ENPP1: variants seen among roughly 807,000 people sequenced by gnomAD.
ENPP1 encodes ectonucleotide pyrophosphatase/phosphodiesterase 1.
A neutral mutation model predicts 122.8 loss-of-function variants in ENPP1; 73 were observed. The ratio of observed to expected loss-of-function variants is 0.59; its 90% confidence interval spans 0.49 to 0.72. The LOEUF (loss-of-function observed/expected upper bound fraction) is 0.72, where lower values mean the gene tolerates loss of function less well. Among genes scored for constraint, ENPP1 ranks in the 30% least tolerant of loss-of-function variants. The pLI, the probability that ENPP1 is intolerant of heterozygous loss-of-function variation, is 0.00. For synonymous variants in ENPP1, 367 were observed against 391.6 expected, an observed-to-expected ratio of 0.94 and a Z score of 0.74; for missense variants, 978 against 1,128.1, an observed-to-expected ratio of 0.87 and a Z score of 1.91.
At chr6:131,852,928 T>C (rs9483346) in intron 5 of ENPP1, among the ~76,000 whole-genome samples, 2 of 152,138 alleles carry the variant, frequency 1.3e-5, no homozygotes, top group South Asian at 4.1e-4. Context: ...GGGTCTTCCA[T>C]ATATGACACC....
chr6:131,842,203 TTAATA>T (rs1781749181), intron 1 of ENPP1, among the ~76,000 whole-genome samples: 1 of 152,172 alleles, frequency 6.6e-6, no homozygotes, highest in African/African-American at 2.4e-5. Context: ...ATTAAATGAT[TTAATA>T]TAAAACTCTT....
At chr6:131,879,802 G>A in intron 19 of ENPP1, 78 bp from the exon 20 acceptor site, 1 of 1,272,032 alleles carries the variant, frequency 7.9e-7, no homozygotes, top group Non-Finnish European at 1.1e-6. Context: ...GTAGAGGAAA[G>A]GATTAGATGA....
intron 1 of ENPP1, among the ~76,000 whole-genome samples, chr6:131,824,286 A>G (rs1781517144): frequency 6.6e-6 from 1 of 151,546 alleles, no homozygotes; most frequent in Non-Finnish European, 1.5e-5. Context: ...GAAGAGGATT[A>G]TGAGAAAAGG....
chr6:131,831,593 C>T (rs1434448891), intron 1 of ENPP1, among the ~76,000 whole-genome samples: 1 of 152,052 alleles, frequency 6.6e-6, no homozygotes, highest in Non-Finnish European at 1.5e-5. Flanking sequence ...GAGTATGAGT[C>T]ATGTATTTTG....
At position 131,886,727 on chromosome 6, in the gene ENPP1, A is replaced by C; in HGVS notation, c.2607+3A>C. On this transcript the variant is annotated splice_donor_region_variant and intron_variant, in intron 24 of 24. Coordinates refer to ENST00000647893, the MANE Select transcript of ENPP1 (RefSeq NM_006208.3). ...CTGATAACAGCGAGAGCTGTGTGGT[A>C]AGTAGCTTTTGTATATTTACTTTGC... 2 of 1,610,982 alleles carry C rather than the reference A, an allele frequency of 1.2e-6. No homozygotes were observed. Among genetic ancestry groups the C allele is most frequent in the Non-Finnish European group, 1.7e-6 (2 of 1,178,920 alleles).
At chr6:131,859,575 G>A (rs899102872) in intron 7 of ENPP1, among the ~76,000 whole-genome samples, 8 of 151,904 alleles carry the variant, frequency 5.3e-5, no homozygotes, top group Admixed American at 6.6e-5. Flanking sequence ...TAGTAGAGTC[G>A]GGGTTTTGTA....
rs114741179 is a variant in ENPP1 at position 131,836,872 on chromosome 6, C to G, written c.241-10904C>G. Reference sequence around the variant, plus strand: ...TCCATAGGGCAGAGATTGTTTTTATCCATAGAAGCAGGAATCCCTTTTTAG... The same window carrying G: ...TCCATAGGGCAGAGATTGTTTTTATGCATAGAAGCAGGAATCCCTTTTTAG... On this transcript the variant is annotated intron_variant, in intron 1 of 24. Transcript: ENST00000647893. Among the ~76,000 whole-genome samples the G allele has an allele frequency of 8.9e-3, 1,358 of 152,134 alleles. 23 individuals carry two copies. Among genetic ancestry groups the G allele is most frequent in the African/African-American group, 0.03 (1,261 of 41,492 alleles).
At chr6:131,811,116 G>A (rs559271960) in intron 1 of ENPP1, among the ~76,000 whole-genome samples, 1 of 151,998 alleles carries the variant, frequency 6.6e-6, no homozygotes, top group Non-Finnish European at 1.5e-5. Flanking sequence ...ACTTGGAGAT[G>A]TATTTAAATA....
chr6:131,820,712 A>C (rs1176993886), intron 1 of ENPP1: 1 of 152,212 alleles, frequency 6.6e-6, no homozygotes, highest in African/African-American at 2.4e-5. Context: ...CCCATGTTAG[A>C]GATGAAAAAA....
intron 1 of ENPP1, among the ~76,000 whole-genome samples, chr6:131,845,346 T>A (rs371669716): frequency 9.9e-5 from 15 of 152,040 alleles, no homozygotes; most frequent in African/African-American, 3.6e-4. Context: ...TTCATGTTTT[T>A]AATGTTTTAA....
Position 131,888,530 on chromosome 6 carries a change from C to T in ENPP1, c.2607+1806C>T, listed in dbSNP as rs151238457. 4.3e-3 allele frequency among the ~76,000 whole-genome samples: 654 copies of T among 152,196 alleles called. 2 individuals are homozygous for T. The highest frequency in any genetic ancestry group is 6.8e-3 in the Middle Eastern group (2 of 294). ...GGCCCAAGAGTAGAATACAATGATC[C>T]GTTTGCCATCCCTGATGGTAGTAGT... On this transcript the variant is annotated intron_variant, in intron 24 of 24. Transcript: ENST00000647893.
At chr6:131,818,829 A>T (rs1204679525) in intron 1 of ENPP1, among the ~76,000 whole-genome samples, 1 of 151,918 alleles carries the variant, frequency 6.6e-6, no homozygotes, top group East Asian at 1.9e-4. Context: ...AGCTGAACTA[A>T]TTTTTTTTCA....
At chr6:131,875,392 ATATCT>A (rs1782216400) in intron 16 of ENPP1, among the ~76,000 whole-genome samples, 1 of 152,126 alleles carries the variant, frequency 6.6e-6, no homozygotes, top group Non-Finnish European at 1.5e-5. Flanking sequence ...GAGAAGGATA[ATATCT>A]TACATTTACC....
intron 18 of ENPP1, 34 bp downstream of exon 18, chr6:131,877,195 A>G (rs1326070784): frequency 2.5e-6 from 4 of 1,596,044 alleles, no homozygotes; most frequent in African/African-American, 2.7e-5. Context: ...TCCAGTATGT[A>G]TGGTTTGATA....
chr6:131,826,063 C>T (rs1362233976), intron 1 of ENPP1: 12 of 770,924 alleles, frequency 1.6e-5, no homozygotes, highest in Non-Finnish European at 2.7e-5. Flanking sequence ...AACAATCAGA[C>T]AGCTCTGCTT....
rs1782148115 is a variant in ENPP1, at chr6:131,870,552, AC to A, written c.1405+1064del. ...AACAGAAAGAGAATAAGCTTTTCTG[AC>A]AATTACCGGAATTGGGTTAGGTTGG... On this transcript the variant is annotated intron_variant, in intron 13 of 24. Coordinates refer to ENST00000647893, the MANE Select transcript of ENPP1 (RefSeq NM_006208.3). 2.0e-5 allele frequency among the ~76,000 whole-genome samples: 3 copies of A among 152,204 alleles called. No individual in the cohort carries two copies. The South Asian group carries it at 6.2e-4, about 32-fold the overall frequency.
At chr6:131,853,796 C>T (rs1435334140) in intron 5 of ENPP1, among the ~76,000 whole-genome samples, 1 of 152,092 alleles carries the variant, frequency 6.6e-6, no homozygotes, top group Non-Finnish European at 1.5e-5. Flanking sequence ...ATAGAAGTTC[C>T]CTACCACCTA....
At chr6:131,829,932 T>G (rs553090121) in intron 1 of ENPP1, among the ~76,000 whole-genome samples, 152 of 152,306 alleles carry the variant, frequency 1.0e-3, no homozygotes, top group Non-Finnish European at 1.5e-3. Context: ...TGGCCTCTCC[T>G]GGTCTGATGC....
At chr6:131,879,292 C>T (rs1289302735) in intron 19 of ENPP1, among the ~76,000 whole-genome samples, 1 of 152,104 alleles carries the variant, frequency 6.6e-6, no homozygotes, top group Admixed American at 6.5e-5. Flanking sequence ...TGAATATGAG[C>T]TTAGGTACTA....
Sources: gnomAD v4.1 joint callset for allele counts (sites outside exome capture counted in the v4.1 genomes callset) on GRCh38, gnomAD v4.1.1 for gene constraint, MANE v1.5 for transcripts, NCBI Gene and HGNC (gene_info 2026-07-23, HGNC 2026-07-21) for gene names.